Variants in NRCAM observed in about 807,000 individuals in gnomAD.
The protein encoded by NRCAM is NgCAM-related cell adhesion molecule.
In NRCAM, 83 loss-of-function variants were observed where a neutral mutation model predicts 156.5. That is an observed-to-expected ratio of 0.53 (90% CI 0.44 to 0.64). The LOEUF (loss-of-function observed/expected upper bound fraction) is 0.64, where lower values mean the gene tolerates loss of function less well. Among genes scored for constraint, NRCAM ranks in the 30% least tolerant of loss-of-function variants. NRCAM has a pLI of 0.00. For synonymous variants in NRCAM, 538 were observed against 563.9 expected, an observed-to-expected ratio of 0.95 and a Z score of 0.65; for missense variants, 1,417 against 1,597.3, an observed-to-expected ratio of 0.89 and a Z score of 1.92.
At position 108,275,292 on chromosome 7, in the gene NRCAM, G is replaced by A. The variant is rs191295099; in HGVS notation, c.-106-35122C>T. Among the ~76,000 whole-genome samples the A allele has an allele frequency of 1.6e-3, 244 of 152,210 alleles. 2 individuals are homozygous for A. The highest frequency in any genetic ancestry group is 5.5e-3 in the African/African-American group (227 of 41,524). On this transcript the variant is annotated intron_variant, in intron 3 of 32. Transcript: ENST00000379028. ...AGGATTCCCTCTTTTTCTACTGATC[G>A]GAATAGCTTCAGAAGGAATGGTACC...
intron 2 of NRCAM, among the ~76,000 whole-genome samples, chr7:108,378,682 CACACACAA>C (rs2099687246): frequency 1.6e-5 from 2 of 127,214 alleles, no homozygotes; most frequent in African/African-American, 2.9e-5. Flanking sequence ...CACACACACA[CACACACAA>C]ACTCCAAGAC....
intron 3 of NRCAM, among the ~76,000 whole-genome samples, chr7:108,298,876 C>T (rs548168989): frequency 4.6e-5 from 7 of 150,880 alleles, no homozygotes; most frequent in East Asian, 2.0e-4. Flanking sequence ...GAAGCCGAGG[C>T]GGGCAGATCA....
intron 2 of NRCAM, among the ~76,000 whole-genome samples, chr7:108,354,841 C>T (rs1183177136): frequency 2.0e-5 from 3 of 151,842 alleles, no homozygotes; most frequent in African/African-American, 7.3e-5. Flanking sequence ...TTGCAGTGAG[C>T]TGAGATCATG....
At position 108,387,740 on chromosome 7, in the gene NRCAM, G is replaced by C. The variant is rs1167907196; in HGVS notation, c.-174+11696C>G. ...CCCCCCACCCCACAACAGGGTGTGT[G>C]ATGTTCCCCTTCCTGTGTCCAAGTG... is the stretch of plus-strand genomic sequence containing the variant. On this transcript the variant is annotated intron_variant, in intron 2 of 32. Transcript: ENST00000379028. 4.2e-5 allele frequency among the ~76,000 whole-genome samples: 6 copies of C among 141,224 alleles called. No individual in the cohort carries two copies. In the Admixed American group the frequency reaches 4.5e-4, roughly 11 times the overall value. The allele number at this position is 141,224 out of a possible 152,430, so 92.6% of individuals were successfully genotyped here.
At chr7:108,390,633 C>G (rs139821975) in intron 2 of NRCAM, among the ~76,000 whole-genome samples, 4,337 of 152,178 alleles carry the variant, frequency 0.028, 97 homozygotes, top group African/African-American at 0.065. Flanking sequence ...TGTGCTTGCT[C>G]TTGCTTCTCT....
At chr7:108,320,704 T>A (rs1462357298) in intron 2 of NRCAM, among the ~76,000 whole-genome samples, 1 of 152,232 alleles carries the variant, frequency 6.6e-6, no homozygotes, top group African/African-American at 2.4e-5. Flanking sequence ...TTGTACAAAT[T>A]TGATTAGTAT....
intron 11 of NRCAM, among the ~76,000 whole-genome samples, chr7:108,221,254 T>C (rs879012571): frequency 6.6e-6 from 1 of 152,228 alleles, no homozygotes; most frequent in Non-Finnish European, 1.5e-5. Flanking sequence ...CTGGTGGGAA[T>C]GTAAACTAGT....
intron 3 of NRCAM, among the ~76,000 whole-genome samples, chr7:108,310,331 T>G (rs2154178791): frequency 6.6e-6 from 1 of 152,314 alleles, no homozygotes; most frequent in Non-Finnish European, 1.5e-5. Context: ...ATGCCACCAC[T>G]AGCAGCCTTG....
intron 1 of NRCAM, among the ~76,000 whole-genome samples, chr7:108,412,915 T>C (rs982798293): frequency 1.3e-5 from 2 of 152,236 alleles, no homozygotes; most frequent in Admixed American, 6.5e-5. Context: ...CTATTGTATA[T>C]ATAGACTGCA....
chr7:108,248,707 C>A (rs1260356914), intron 3 of NRCAM, among the ~76,000 whole-genome samples: 1 of 152,152 alleles, frequency 6.6e-6, no homozygotes, highest in East Asian at 1.9e-4. Context: ...TTTTACCTTC[C>A]TCCAACCAGA....
intron 22 of NRCAM, 128 bp from the exon 23 acceptor site, chr7:108,183,048 A>G (rs2064369455): frequency 1.3e-6 from 1 of 750,172 alleles, no homozygotes; most frequent in Non-Finnish European, 2.2e-6. Flanking sequence ...CAAGCTATTA[A>G]CCATTTTCTC....
At chr7:108,339,675 AGCAGAGGTC>A (rs1369882239) in intron 2 of NRCAM, among the ~76,000 whole-genome samples, 1 of 152,206 alleles carries the variant, frequency 6.6e-6, no homozygotes, top group Non-Finnish European at 1.5e-5. Flanking sequence ...TAATCCAATA[AGCAGAGGTC>A]CATGGGTGGT....
chr7:108,207,264 T>C (rs892168120), intron 13 of NRCAM: 2 of 290,372 alleles, frequency 6.9e-6, no homozygotes, highest in African/African-American at 4.4e-5. Flanking sequence ...ACCCTGTCAT[T>C]CTTCCCATTA....
intron 3 of NRCAM, among the ~76,000 whole-genome samples, chr7:108,240,540 G>C (rs1456803780): frequency 6.6e-6 from 1 of 152,168 alleles, no homozygotes; most frequent in Non-Finnish European, 1.5e-5. Context: ...TAGCCTAATG[G>C]CTTCTCCATT....
chr7:108,450,227 G>C (rs1187621317), intron 1 of NRCAM, among the ~76,000 whole-genome samples: 3 of 150,302 alleles, frequency 2.0e-5, no homozygotes, highest in African/African-American at 7.3e-5. Flanking sequence ...AGGAGCATTA[G>C]TGGTTATAAT....
rs56717039 is a variant in NRCAM, at chr7:108,294,193, GTTT to G, written c.-107+18469_-107+18471del. Among the ~76,000 whole-genome samples, 759 of 87,946 alleles carry G rather than the reference GTTT, an allele frequency of 8.6e-3. 6 individuals carry two copies. Among genetic ancestry groups the G allele is most frequent in the African/African-American group, 0.028 (651 of 23,556 alleles). 57.7% of individuals were successfully genotyped at this position (87,946 alleles called of 152,430 possible). ...GGAAAAGCCAGCACTTTCTTTACTG[GTTT>G]TTTTTTTTTTTTTTTTTTTTTTTTC... On this transcript the variant is annotated intron_variant, in intron 3 of 32. Transcript: ENST00000379028.
At chr7:108,411,343 G>T (rs535453202) in intron 1 of NRCAM, among the ~76,000 whole-genome samples, 1 of 152,148 alleles carries the variant, frequency 6.6e-6, no homozygotes, top group South Asian at 2.1e-4. Context: ...ATACTTGCAG[G>T]AGCTAACAGG....
intron 3 of NRCAM, among the ~76,000 whole-genome samples, chr7:108,255,698 G>T (rs551919191): frequency 2.7e-5 from 4 of 148,212 alleles, no homozygotes; most frequent in South Asian, 4.3e-4. Context: ...CCTCTACCCC[G>T]CTGCCCCATC....
intron 2 of NRCAM, among the ~76,000 whole-genome samples, chr7:108,367,113 G>A (rs1242410569): frequency 6.6e-6 from 1 of 152,158 alleles, no homozygotes; most frequent in Non-Finnish European, 1.5e-5. Context: ...GAAAGTGAAA[G>A]TGACTTTCTC....
Sources: gnomAD v4.1 joint callset for allele counts (sites outside exome capture counted in the v4.1 genomes callset) on GRCh38, gnomAD v4.1.1 for gene constraint, MANE v1.5 for transcripts, NCBI Gene and HGNC (gene_info 2026-07-23, HGNC 2026-07-21) for gene names.